Variants in PDCL2 observed in about 807,000 individuals in gnomAD.
PDCL2 encodes phosducin like 2, also known as phosducin-like protein 2.
Under a neutral mutation model 30.3 loss-of-function variants are expected in PDCL2, and 23 were observed. The ratio of observed to expected loss-of-function variants is 0.76; its 90% CI spans 0.55 to 1.08. The LOEUF (loss-of-function observed/expected upper bound fraction) is 1.08, where lower values mean the gene tolerates loss of function less well. Ranked by LOEUF, PDCL2 falls within the 50% of genes least tolerant of loss-of-function variation. The pLI is 0.00. For missense variants in PDCL2, 243 were observed against 282.3 expected (o/e 0.86, Z 1.00); for synonymous variants, 68 against 86.2 (o/e 0.79, Z 1.17).
At chr4:55,569,379 G>C (rs1051213719) in intron 4 of PDCL2, among the ~76,000 whole-genome samples, 95 of 152,198 alleles carry the variant, frequency 6.2e-4, no homozygotes, top group Non-Finnish European at 5.1e-4. Flanking sequence ...GTTACTTGTT[G>C]AATCTGTATG....
intron 5 of PDCL2, among the ~76,000 whole-genome samples, chr4:55,559,376 G>A (rs1044355791): frequency 6.6e-6 from 1 of 152,070 alleles, no homozygotes. Flanking sequence ...ATAAATTGAG[G>A]AATAGCTGAT....
At chr4:55,575,187 G>A (rs988388467) in intron 3 of PDCL2, among the ~76,000 whole-genome samples, 1 of 152,190 alleles carries the variant, frequency 6.6e-6, no homozygotes, top group Non-Finnish European at 1.5e-5. Flanking sequence ...TTGGAGAATT[G>A]GTTGTGGGGG....
chr4:55,556,615 C>G lies in PDCL2; in HGVS notation c.668G>C (p.Arg223Thr). ...DMVDMMVSSI[R>T]NTSIHDDSDS... is the part of the protein sequence containing the mutation. ...ACTGTCATCATGAATAGAAGTGTTT[C>G]TAATTGAAGATACCATCATATCTAC... Residue 223 changes from arginine to threonine, a missense_variant, in exon 6 of 6, where the codon AGA becomes ACA. Coordinates refer to ENST00000295645, the MANE Select transcript of PDCL2 (RefSeq NM_152401.3). The G allele has an allele frequency of 1.3e-6, 2 of 1,574,964 alleles. No homozygotes were observed. Among genetic ancestry groups the G allele is most frequent in the Non-Finnish European group, 1.7e-6 (2 of 1,156,988 alleles).
chr4:55,556,983 G>A (rs888074234), intron 5 of PDCL2, among the ~76,000 whole-genome samples: 4 of 151,992 alleles, frequency 2.6e-5, no homozygotes, highest in Admixed American at 6.6e-5. Context: ...ACAGGTGCAC[G>A]CCACCACACC....
At chr4:55,565,516 C>T (rs1171070493) in intron 4 of PDCL2, among the ~76,000 whole-genome samples, 1 of 152,132 alleles carries the variant, frequency 6.6e-6, no homozygotes, top group Non-Finnish European at 1.5e-5. Flanking sequence ...CGTCAGATCT[C>T]ATGAGAACTC....
chr4:55,569,865 A>T lies in PDCL2; in HGVS notation c.219-4T>A. ...CCATTCCTGTAACCGCTTCTTTCTA[A>T]TTAAAACATGAAATTAAATTACATA... On this transcript the variant is annotated splice_polypyrimidine_tract_variant and splice_region_variant and intron_variant, in intron 3 of 5. Coordinates refer to ENST00000295645, the MANE Select transcript of PDCL2 (RefSeq NM_152401.3). 6.7e-7 allele frequency: 1 copy of T among 1,488,010 alleles called. No individual in the cohort carries two copies. The allele number at this position is 1,488,010 out of a possible 1,614,324, so 92.2% of individuals were successfully genotyped here.
chr4:55,562,397 A>C lies in PDCL2; in HGVS notation c.571+7T>G, dbSNP rs773267554. On this transcript the variant is annotated splice_region_variant and intron_variant, in intron 5 of 5. Coordinates refer to ENST00000295645, the MANE Select transcript of PDCL2 (RefSeq NM_152401.3). ...ATCATTTTTATAAACAAAATTTGTA[A>C]CATTACCTTCCAGCTTGAGATTTAT... 2 of 1,388,064 alleles carry C rather than the reference A, an allele frequency of 1.4e-6. No homozygotes were observed. The highest frequency in any genetic ancestry group is 2.7e-5 in the East Asian group (1 of 37,080). 86.0% of individuals were successfully genotyped at this position (1,388,064 alleles called of 1,614,324 possible). A position where few individuals can be genotyped will look rare whatever the true frequency, so the allele number is the denominator to read the frequency against.
At chr4:55,588,576 C>T (rs1732920636) in intron 1 of PDCL2, among the ~76,000 whole-genome samples, 1 of 152,196 alleles carries the variant, frequency 6.6e-6, no homozygotes, top group African/African-American at 2.4e-5. Context: ...CCTCTTAAGG[C>T]TGTGTCATGG....
At chr4:55,575,643 A>G (rs980596514) in intron 3 of PDCL2, among the ~76,000 whole-genome samples, 19 of 152,240 alleles carry the variant, frequency 1.2e-4, no homozygotes, top group African/African-American at 4.3e-4. Flanking sequence ...ACTGAAAGGC[A>G]AGAAGAGACA....
intron 4 of PDCL2, among the ~76,000 whole-genome samples, chr4:55,563,818 G>A (rs1732194727): frequency 6.6e-6 from 1 of 152,156 alleles, no homozygotes. Flanking sequence ...AGGAGGCCTG[G>A]ATAGCAAAAG....
intron 5 of PDCL2, among the ~76,000 whole-genome samples, chr4:55,559,998 G>A (rs759197171): frequency 6.6e-6 from 1 of 152,248 alleles, no homozygotes; most frequent in East Asian, 1.9e-4. Context: ...AGTTTTTAAC[G>A]AGTACAGAGT....
intron 1 of PDCL2, among the ~76,000 whole-genome samples, chr4:55,591,793 C>T (rs117969949): frequency 1.4e-3 from 208 of 152,224 alleles, no homozygotes; most frequent in Non-Finnish European, 2.0e-3. Context: ...CTAACGTTGC[C>T]GCTCTATTAA....
intron 1 of PDCL2, among the ~76,000 whole-genome samples, chr4:55,591,522 G>C (rs1467810149): frequency 6.6e-6 from 1 of 152,144 alleles, no homozygotes; most frequent in Non-Finnish European, 1.5e-5. Flanking sequence ...AGGTAGCTGG[G>C]GCTACAGGCG....
At chr4:55,561,488 A>G (rs1214743868) in intron 5 of PDCL2, among the ~76,000 whole-genome samples, 2 of 151,986 alleles carry the variant, frequency 1.3e-5, no homozygotes, top group African/African-American at 2.4e-5. Context: ...TGCTTGAACC[A>G]GGGAGGCAGA....
intron 3 of PDCL2, among the ~76,000 whole-genome samples, chr4:55,575,111 C>T (rs1732530040): frequency 6.6e-6 from 1 of 152,052 alleles, no homozygotes; most frequent in Admixed American, 6.6e-5. Context: ...TGGGGTCTTC[C>T]CTAACTCCAA....
At position 55,569,815 on chromosome 4, in the gene PDCL2, A is replaced by C; in HGVS notation, c.265T>G (p.Phe89Val). 6.4e-7 allele frequency: 1 copy of C among 1,562,684 alleles called. No homozygotes were observed. Among genetic ancestry groups the C allele is most frequent in the Non-Finnish European group, 8.7e-7 (1 of 1,151,958 alleles). Residue 89 changes from phenylalanine to valine, a missense_variant, in exon 4 of 6, where the codon TTT (phenylalanine) becomes GTT (valine). By Grantham distance (50) the Phe-to-Val change is conservative. Transcript: ENST00000295645. ...EWKALKKKQK[F>V]GELREISGNQ... ...CCAGAAATTTCTCTTAATTCTCCAA[A>C]TTTTTGTTTTTTCTTAAGAGCTTTC...
At chr4:55,556,815 G>A (rs954107586) in intron 5 of PDCL2, 104 bp from the exon 6 acceptor site, 12 of 940,048 alleles carry the variant, frequency 1.3e-5, no homozygotes, top group Non-Finnish European at 1.8e-5. Context: ...CCATGGAAAT[G>A]ATGATATATT....
intron 4 of PDCL2, among the ~76,000 whole-genome samples, chr4:55,568,833 A>T (rs530386846): frequency 6.6e-6 from 1 of 152,284 alleles, no homozygotes; most frequent in African/African-American, 2.4e-5. Context: ...CACCAGAGGA[A>T]TCTATATAAC....
intron 5 of PDCL2, among the ~76,000 whole-genome samples, chr4:55,559,867 G>A (rs191297848): frequency 6.6e-6 from 1 of 152,312 alleles, no homozygotes; most frequent in Admixed American, 6.5e-5. Context: ...AGTGGAATAA[G>A]TCAGTCACAA....
Sources: allele counts gnomAD v4.1 joint callset (sites outside exome capture counted in the v4.1 genomes callset), GRCh38; gene constraint gnomAD v4.1.1; transcripts MANE v1.5; gene names NCBI Gene and HGNC (gene_info 2026-07-23, HGNC 2026-07-21).